The following NCKIPSD variants were observed in gnomAD, a reference collection of about 807,000 sequenced individuals.
The protein encoded by NCKIPSD is NCK interacting protein with SH3 domain.
Under a neutral mutation model 73.4 loss-of-function variants are expected in NCKIPSD, and 48 were observed. The ratio of observed to expected loss-of-function variants is 0.65; its 90% CI spans 0.52 to 0.83. The LOEUF (loss-of-function observed/expected upper bound fraction) is 0.83. NCKIPSD is among the 40% of genes least tolerant of loss of function. The pLI, the probability that NCKIPSD is intolerant of heterozygous loss-of-function variation, is 0.00. For missense variants in NCKIPSD, 884 were observed against 970.2 expected (o/e 0.91, Z 1.18); for synonymous variants, 422 against 403.6 (o/e 1.05, Z -0.54).
intron 12 of NCKIPSD, among the ~76,000 whole-genome samples, chr3:48,676,522 C>T (rs1407878914): frequency 6.6e-6 from 1 of 152,178 alleles, no homozygotes; most frequent in East Asian, 1.9e-4. Flanking sequence ...GCTTTGTTGC[C>T]CAGGCTGGAG....
rs778509735 is a variant in NCKIPSD at position 48,679,880 on chromosome 3, G to A, written c.1271C>T (p.Ala424Val). Residue 424 changes from alanine (A) to valine (V), a missense_variant, in exon 7 of 13, where the codon GCA (alanine) becomes GTA (valine). Coordinates refer to ENST00000294129, the MANE Select transcript of NCKIPSD (RefSeq NM_016453.4). The part of the protein sequence containing the change: ...LEELLHILTD[A>V]DPEVCKKMCK... ...CATTTTCTTGCAAACTTCAGGGTCT[G>A]CATCAGTCTACAGAAATGAGGAAGT... The A allele has an allele frequency of 1.2e-6, 2 of 1,614,196 alleles. No homozygotes were observed. Among genetic ancestry groups the A allele is most frequent in the Non-Finnish European group, 1.7e-6 (2 of 1,180,040 alleles).
Position 48,674,281 on chromosome 3 carries a change from G to A in NCKIPSD, c.*263C>T. The A allele has an allele frequency of 3.0e-6, 4 of 1,346,920 alleles. No individual in the cohort carries two copies. Among genetic ancestry groups the A allele is most frequent in the Non-Finnish European group, 3.8e-6 (4 of 1,042,508 alleles). 83.4% of individuals were successfully genotyped at this position (1,346,920 alleles called of 1,614,324 possible). On this transcript the variant is annotated 3_prime_UTR_variant, in exon 13 of 13. Transcript: ENST00000294129. The stretch of plus-strand genomic sequence containing the variant: ...GTACACATGGGTGTGGGGTGAAGAG[G>A]GGGGCATGCTGAAGAGGAAGCCTAC...
Position 48,683,018 on chromosome 3 carries a change from G to C in NCKIPSD, c.172-6C>G, listed in dbSNP as rs764246985. The C allele has an allele frequency of 1.2e-5, 18 of 1,549,546 alleles. No homozygotes were observed. Among genetic ancestry groups the C allele is most frequent in the East Asian group, 4.9e-5 (2 of 40,928 alleles). Reference sequence around the variant, plus strand: ...AGGACATCCTGCTCCAGGCCCTGGGGGGGGCAGGGGACAGCAGTTAGACCT... The same window carrying C: ...AGGACATCCTGCTCCAGGCCCTGGGCGGGGCAGGGGACAGCAGTTAGACCT... On this transcript the variant is annotated splice_polypyrimidine_tract_variant and splice_region_variant and intron_variant, in intron 1 of 12. Coordinates refer to ENST00000294129, the MANE Select transcript of NCKIPSD (RefSeq NM_016453.4).
chr3:48,681,971 C>T lies in NCKIPSD; in HGVS notation c.598+74G>A. The T allele has an allele frequency of 5.2e-6, 8 of 1,533,002 alleles. No individual in the cohort carries two copies. In the South Asian group the frequency reaches 9.3e-5, roughly 18 times the overall value. 95.0% of individuals were successfully genotyped at this position (1,533,002 alleles called of 1,614,324 possible). ...CTTCCCCAGCTTAGAGCCTCCATTT[C>T]CCTGACACAGGCAGCACAACCATTC... On this transcript the variant is annotated intron_variant, in intron 4 of 12. Coordinates refer to ENST00000294129, the MANE Select transcript of NCKIPSD (RefSeq NM_016453.4).
At chr3:48,681,830 T>C (rs1465907863) in intron 4 of NCKIPSD, 50 bp from the exon 5 acceptor site, 2 of 1,459,950 alleles carry the variant, frequency 1.4e-6, no homozygotes, top group African/African-American at 2.8e-5. Flanking sequence ...TGGAAAACCA[T>C]ACCCTTCACA....
At chr3:48,679,325 A>ATGGGCCC (rs1490929308) in intron 9 of NCKIPSD, 52 bp downstream of exon 9, 1 of 1,611,476 alleles carries the variant, frequency 6.2e-7, no homozygotes, top group African/African-American at 1.3e-5. Flanking sequence ...CCCTCGGGCA[A>ATGGGCCC]TGGGCCCTGG....
chr3:48,678,436 T>C (rs2077288493), intron 12 of NCKIPSD, 128 bp downstream of exon 12: 4 of 1,230,980 alleles, frequency 3.2e-6, no homozygotes, highest in East Asian at 5.1e-5. Flanking sequence ...GCACCTATCA[T>C]GGCCTCCTAC....
At chr3:48,679,541 G>A (rs757011119) in intron 8 of NCKIPSD, 34 bp downstream of exon 8, 7 of 1,610,624 alleles carry the variant, frequency 4.3e-6, no homozygotes, top group South Asian at 3.3e-5. Flanking sequence ...CCAGATAGCA[G>A]GAAGTTCCCT....
Position 48,679,063 on chromosome 3 carries a change from T to C in NCKIPSD, c.1691A>G (p.His564Arg). Residue 564 changes from histidine (H) to arginine (R), a missense_variant, in exon 10 of 13, where the codon CAC becomes CGC. His to Arg is a conservative substitution (Grantham distance 29). Transcript: ENST00000294129. ...CVNLLLALNLHLPAADQNVIM... is the reference protein window; with the variant it reads ...CVNLLLALNLRLPAADQNVIM... The stretch of plus-strand genomic sequence containing the variant: ...GCCAGGCCCCACCCCACCTGGCAGG[T>C]GCAGGTTGAGAGCCAGAAGCAGGTT... The C allele has an allele frequency of 6.2e-7, 1 of 1,614,016 alleles. No individual in the cohort carries two copies. Among genetic ancestry groups the C allele is most frequent in the South Asian group, 1.1e-5 (1 of 91,072 alleles).
chr3:48,685,542 C>G, intron 1 of NCKIPSD, 95 bp downstream of exon 1: 2 of 1,396,766 alleles, frequency 1.4e-6, no homozygotes, highest in African/African-American at 1.5e-5. Context: ...GGCCTCGGGT[C>G]CCGGAGAGGG....
At position 48,678,555 on chromosome 3, in the gene NCKIPSD, T is replaced by C; in HGVS notation, c.1965+9A>G. ...AGTGACCCCCGCTGCTGCAGCCACC[T>C]CCAGGCACCTTGTCTCCTGGTGACA... On this transcript the variant is annotated intron_variant, in intron 12 of 12. Transcript: ENST00000294129. The C allele has an allele frequency of 5.6e-6, 9 of 1,605,172 alleles. No individual in the cohort carries two copies. Among genetic ancestry groups the C allele is most frequent in the Non-Finnish European group, 7.7e-6 (9 of 1,174,846 alleles).
Position 48,674,722 on chromosome 3 carries a change from A to C in NCKIPSD, c.1991T>G (p.Met664Arg), listed in dbSNP as rs1354813292. 6.2e-7 allele frequency: 1 copy of C among 1,613,984 alleles called. No homozygotes were observed. The highest frequency in any genetic ancestry group is 1.1e-5 in the South Asian group (1 of 91,076). Residue 664 changes from methionine (M) to arginine (R), a missense_variant, in exon 13 of 13, where the codon ATG (methionine) becomes AGG (arginine). Coordinates refer to ENST00000294129, the MANE Select transcript of NCKIPSD (RefSeq NM_016453.4). ...GGGTGTGGTGCGGACTATAGCATGCATCAGGGAGAGGTACTCCATGCGCAG... is the reference window on the plus strand; with the variant it reads ...GGGTGTGGTGCGGACTATAGCATGCCTCAGGGAGAGGTACTCCATGCGCAG... ...DKLRMEYLSLMHAIVRTTPYL... is the reference protein window; with the variant it reads ...DKLRMEYLSLRHAIVRTTPYL...
rs1477940976 is a variant in NCKIPSD at position 48,674,632 on chromosome 3, T to G, written c.2081A>C (p.Glu694Ala). The change falls in exon 13 of 13, where the codon GAG becomes GCG. Residue 694 changes from glutamate (E) to alanine (A), a missense_variant. Coordinates refer to ENST00000294129, the MANE Select transcript of NCKIPSD (RefSeq NM_016453.4). ...QAILRRILNE[E>A]ETSPQCQMDR... is the part of the protein sequence containing the mutation. ...CATCTGGCACTGGGGTGAGGTCTCC[T>G]CCTCATTCAGGATGCGTCGCAGTAT... The G allele has an allele frequency of 6.2e-7, 1 of 1,613,500 alleles. No individual in the cohort carries two copies. The highest frequency in any genetic ancestry group is 1.1e-5 in the South Asian group (1 of 90,866).
At chr3:48,681,132 T>A in intron 5 of NCKIPSD, 155 bp downstream of exon 5, 1 of 1,194,250 alleles carries the variant, frequency 8.4e-7, no homozygotes, top group Middle Eastern at 2.0e-4. Context: ...CCTTCCTTTC[T>A]GCTTCAGAAA....
chr3:48,681,237 T>G (rs781359460), intron 5 of NCKIPSD, 50 bp downstream of exon 5: 1 of 1,518,424 alleles, frequency 6.6e-7, no homozygotes. Context: ...TGTGTGACGG[T>G]GGGAACAGGG....
chr3:48,675,523 T>TG (rs2077238798), intron 12 of NCKIPSD, among the ~76,000 whole-genome samples: 2 of 74,928 alleles, frequency 2.7e-5, no homozygotes, highest in Non-Finnish European at 5.0e-5. Context: ...TATATATATA[T>TG]ATATGATATA....
At chr3:48,681,812 C>A (rs777424086) in intron 4 of NCKIPSD, 32 bp from the exon 5 acceptor site, 8 of 1,465,778 alleles carry the variant, frequency 5.5e-6, no homozygotes, top group South Asian at 2.9e-5. Context: ...TGGGCCAGGG[C>A]AGCCCCCTGG....
Position 48,685,862 on chromosome 3 carries a change from C to G in NCKIPSD, c.-55G>C. ...TGGCAAGGGCTGCGGCGCCACAACGCCAGGCCGGGAGCGCCGAGCCGCGCC... is the reference window on the plus strand; with the variant it reads ...TGGCAAGGGCTGCGGCGCCACAACGGCAGGCCGGGAGCGCCGAGCCGCGCC... On this transcript the variant is annotated 5_prime_UTR_variant, in exon 1 of 13. Transcript: ENST00000294129. 2 of 1,349,418 alleles carry G rather than the reference C, an allele frequency of 1.5e-6. No individual in the cohort carries two copies. The highest frequency in any genetic ancestry group is 1.8e-5 in the South Asian group (1 of 56,610). The allele number at this position is 1,349,418 out of a possible 1,614,324, so 83.6% of individuals were successfully genotyped here.
intron 5 of NCKIPSD, among the ~76,000 whole-genome samples, chr3:48,680,652 C>T (rs1478023403): frequency 6.6e-6 from 1 of 151,928 alleles, no homozygotes; most frequent in African/African-American, 2.4e-5. Flanking sequence ...GGCCCACTCC[C>T]CAACACCCAA....
Sources: allele counts gnomAD v4.1 joint callset (sites outside exome capture counted in the v4.1 genomes callset), GRCh38; gene constraint gnomAD v4.1.1; transcripts MANE v1.5; gene names NCBI Gene and HGNC (gene_info 2026-07-23, HGNC 2026-07-21).